Variants in ALDH3B1 observed in about 807,000 individuals in gnomAD.
ALDH3B1 encodes aldehyde dehydrogenase 3 family member B1, also known as aldehyde dehydrogenase family 3 member B1.
A neutral mutation model predicts 46.2 loss-of-function variants in ALDH3B1; 37 were observed. The observed-to-expected ratio is 0.80, with a 90% CI of 0.62 to 1.05. The LOEUF is 1.05. Ranked by LOEUF, ALDH3B1 falls within the 50% of genes least tolerant of loss-of-function variation. ALDH3B1 has a pLI of 0.00. For missense variants in ALDH3B1, 603 were observed against 665.5 expected (o/e 0.91, Z 1.03); for synonymous variants, 283 against 281.0 (o/e 1.01, Z -0.07).
chr11:68,015,389 A>G lies in ALDH3B1; in HGVS notation c.92A>G (p.Gln31Arg), dbSNP rs944324536. Residue 31 changes from glutamine to arginine, a missense_variant, in exon 2 of 10, where the codon CAA becomes CGA. Transcript: ENST00000342456. Reference protein sequence around the residue: ...RPAEFRAAQLQGLGRFLQENK... With the variant: ...RPAEFRAAQLRGLGRFLQENK... ...GCTGAGTTCCGGGCTGCGCAGCTCC[A>G]AGGCCTGGGCCGCTTCCTGCAAGAA... 13 of 1,553,502 alleles carry G rather than the reference A, an allele frequency of 8.4e-6. No individual in the cohort carries two copies. The highest frequency in any genetic ancestry group is 1.1e-5 in the Non-Finnish European group (13 of 1,148,926).
rs201119062 is a variant in ALDH3B1, at chr11:68,015,325, C to T, written c.28C>T (p.Arg10Ter). The change falls in exon 2 of 10, where the codon CGA becomes TGA. Residue 10 changes from arginine to a stop codon, truncating the protein, a stop_gained. Coordinates refer to ENST00000342456, the MANE Select transcript of ALDH3B1 (RefSeq NM_000694.4). LOFTEE classifies it high-confidence loss of function. ...GGACCCCCTTGGGGACACGCTGCGG[C>T]GACTGCGGGAGGCCTTCCACGCGGG... is the stretch of plus-strand genomic sequence containing the variant. MDPLGDTLR[R>*]LREAFHAGRT... The T allele has an allele frequency of 6.9e-5, 105 of 1,515,214 alleles. No homozygotes were observed. The African/African-American group carries it at 1.1e-3, about 16-fold the overall frequency. 93.9% of individuals were successfully genotyped at this position (1,515,214 alleles called of 1,614,324 possible). A position where few individuals can be genotyped will look rare whatever the true frequency, so the allele number is the denominator to read the frequency against.
rs762693146 is a variant in ALDH3B1, at chr11:68,022,698, C to T, written c.1053C>T (p.Ala351=). Residue 351 remains alanine (A), a synonymous_variant, in exon 8 of 10, where the codon GCC becomes GCT. Transcript: ENST00000342456. ...TGAACGTGCAGAGCTTGGACGAGGC[C>T]ATCGAGTTCATCAACCGGCGGGAGA... ...PIVNVQSLDE[A]IEFINRREKP... is the part of the protein sequence containing the mutation. The T allele has an allele frequency of 5.6e-6, 9 of 1,614,042 alleles. No individual in the cohort carries two copies. The East Asian group carries it at 1.6e-4, about 28-fold the overall frequency.
At chr11:68,013,652 C>T (rs1857280414) in intron 1 of ALDH3B1, among the ~76,000 whole-genome samples, 1 of 152,324 alleles carries the variant, frequency 6.6e-6, no homozygotes, top group African/African-American at 2.4e-5. Context: ...CACCAGGTGC[C>T]ATTAGCATCC....
intron 5 of ALDH3B1, 89 bp downstream of exon 5, chr11:68,019,344 C>A: frequency 1.8e-6 from 2 of 1,140,210 alleles, no homozygotes. Context: ...GTCAGTCAGA[C>A]CCGAGTCCCC....
Position 68,018,522 on chromosome 11 carries a change from T to C in ALDH3B1, c.163-5T>C. The C allele has an allele frequency of 2.9e-6, 4 of 1,391,802 alleles. No individual in the cohort carries two copies. The highest frequency in any genetic ancestry group is 3.9e-6 in the Non-Finnish European group (4 of 1,016,316). 86.2% of individuals were successfully genotyped at this position (1,391,802 alleles called of 1,614,324 possible). ...GCCCACCCTGACCCCACCCACTTCCTGCAGTCAGCCTTCGAGTCGGAGGTG... is the reference window on the plus strand; with the variant it reads ...GCCCACCCTGACCCCACCCACTTCCCGCAGTCAGCCTTCGAGTCGGAGGTG... On this transcript the variant is annotated splice_region_variant and splice_polypyrimidine_tract_variant and intron_variant, in intron 2 of 9. Transcript: ENST00000342456.
intron 8 of ALDH3B1, among the ~76,000 whole-genome samples, chr11:68,023,117 A>G (rs1044338644): frequency 3.8e-4 from 58 of 152,078 alleles, no homozygotes; most frequent in Non-Finnish European, 8.8e-5. Flanking sequence ...CGTGTCGGGG[A>G]TGACCCAAAG....
At chr11:68,019,597 C>G (rs1310637321) in intron 5 of ALDH3B1, 118 bp from the exon 6 acceptor site, 11 of 1,140,858 alleles carry the variant, frequency 9.6e-6, no homozygotes, top group Non-Finnish European at 1.4e-5. Context: ...CTCCTAGAGC[C>G]CTGGCTGGGT....
At chr11:68,012,013 T>C (rs139420845) in intron 1 of ALDH3B1, among the ~76,000 whole-genome samples, 1 of 152,340 alleles carries the variant, frequency 6.6e-6, no homozygotes, top group Non-Finnish European at 1.5e-5. Flanking sequence ...TAAACCCAGG[T>C]CATTGGGCCC....
chr11:68,023,114 G>A (rs917276707), intron 8 of ALDH3B1, among the ~76,000 whole-genome samples: 1 of 152,122 alleles, frequency 6.6e-6, no homozygotes, highest in Admixed American at 6.5e-5. Flanking sequence ...CAACGTGTCG[G>A]GGATGACCCA....
chr11:68,026,800 G>A (rs1313903672), intron 9 of ALDH3B1, among the ~76,000 whole-genome samples: 1 of 152,206 alleles, frequency 6.6e-6, no homozygotes, highest in Non-Finnish European at 1.5e-5. Flanking sequence ...GCAGGGCCAG[G>A]CAAGCTGCCT....
rs371181037 is a variant in ALDH3B1, at chr11:68,019,284, G to C, written c.480+29G>C. The C allele has an allele frequency of 1.9e-6, 3 of 1,599,456 alleles. No homozygotes were observed. The African/African-American group carries it at 4.0e-5, about 21-fold the overall frequency. On this transcript the variant is annotated intron_variant, in intron 5 of 9. Coordinates refer to ENST00000342456, the MANE Select transcript of ALDH3B1 (RefSeq NM_000694.4). ...AGCAGGGCTGCCGGGCAGGTAGAGCGGGAACAGGCAAGGCTCAAGGGCTGG... is the reference window on the plus strand; with the variant it reads ...AGCAGGGCTGCCGGGCAGGTAGAGCCGGAACAGGCAAGGCTCAAGGGCTGG...
chr11:68,019,375 G>A (rs918394185), intron 5 of ALDH3B1, 120 bp downstream of exon 5: 3 of 893,736 alleles, frequency 3.4e-6, no homozygotes, highest in Admixed American at 2.1e-5. Flanking sequence ...TGCCTCTTCT[G>A]AGTTGTGTAA....
intron 8 of ALDH3B1, chr11:68,025,470 G>A (rs1412648015): frequency 6.6e-6 from 1 of 152,142 alleles, no homozygotes; most frequent in Admixed American, 6.6e-5. Context: ...CCTTCTCAAG[G>A]ACCTTCAAGC....
chr11:68,014,154 T>C (rs1334008159), intron 1 of ALDH3B1, among the ~76,000 whole-genome samples: 2 of 152,106 alleles, frequency 1.3e-5, no homozygotes, highest in Non-Finnish European at 2.9e-5. Flanking sequence ...AAGCACTAGG[T>C]CTCAAATAAG....
At chr11:68,015,818 C>G in intron 2 of ALDH3B1, 1 of 379,624 alleles carries the variant, frequency 2.6e-6, no homozygotes, top group South Asian at 2.0e-5. Context: ...GTAGTCCCAG[C>G]ACTTTGGGAG....
At chr11:68,019,051 A>T in intron 4 of ALDH3B1, 119 bp from the exon 5 acceptor site, 3 of 1,445,136 alleles carry the variant, frequency 2.1e-6, no homozygotes, top group Non-Finnish European at 2.8e-6. Flanking sequence ...CCGTCATGTT[A>T]CCTCTCTGAA....
At chr11:68,019,938 AC>A in intron 6 of ALDH3B1, 142 bp downstream of exon 6, 1 of 861,256 alleles carries the variant, frequency 1.2e-6, no homozygotes, top group Non-Finnish European at 1.8e-6. Flanking sequence ...GCAGTCCTGG[AC>A]CCCCAGGACC....
chr11:68,020,624 C>G (rs948300428), intron 6 of ALDH3B1, among the ~76,000 whole-genome samples: 18 of 152,170 alleles, frequency 1.2e-4, no homozygotes, highest in African/African-American at 4.3e-4. Context: ...TCGAGGCAGT[C>G]GTGGGGAAGG....
In ALDH3B1 at chr11:68,023,062, G is replaced by A. The variant is rs116161498; in HGVS notation, c.1116+301G>A. Reference sequence around the variant, plus strand: ...TTGTCCTTCTTACACATCGGGGCCTGGTGGCCACATGACCCCTCAAGCCTG... The same window carrying A: ...TTGTCCTTCTTACACATCGGGGCCTAGTGGCCACATGACCCCTCAAGCCTG... On this transcript the variant is annotated intron_variant, in intron 8 of 9. Transcript: ENST00000342456. Among the ~76,000 whole-genome samples, 1,328 of 152,270 alleles carry A rather than the reference G, an allele frequency of 8.7e-3. 20 individuals carry two copies. The highest frequency in any genetic ancestry group is 0.031 in the African/African-American group (1,272 of 41,530).
Sources: gnomAD v4.1 joint callset for allele counts (sites outside exome capture counted in the v4.1 genomes callset) on GRCh38, gnomAD v4.1.1 for gene constraint, MANE v1.5 for transcripts, NCBI Gene and HGNC (gene_info 2026-07-23, HGNC 2026-07-21) for gene names.